Variants in ANKRD31 observed in about 807,000 individuals in gnomAD.
ANKRD31 encodes the protein ankyrin repeat domain 31, also known as ankyrin repeat domain-containing protein 31.
A neutral mutation model predicts 186.0 loss-of-function variants in ANKRD31; 147 were observed. That is an observed-to-expected ratio of 0.79 (90% CI 0.69 to 0.91). The LOEUF is 0.91. Among genes scored for constraint, ANKRD31 ranks in the 40% least tolerant of loss-of-function variants. ANKRD31 has a pLI of 0.00. For synonymous variants in ANKRD31, 673 were observed against 736.4 expected, an observed-to-expected ratio of 0.91 and a Z score of 1.39; for missense variants, 1,986 against 2,148.8, an observed-to-expected ratio of 0.92 and a Z score of 1.50.
At chr5:75,107,790 G>A (rs1747455093) in intron 20 of ANKRD31, among the ~76,000 whole-genome samples, 173 bp from the exon 21 acceptor site, 1 of 151,844 alleles carries the variant, frequency 6.6e-6, no homozygotes, top group African/African-American at 2.4e-5. Context: ...TCAATCTATG[G>A]AAATGCCCTG....
At chr5:75,148,990 T>C (rs1313620498) in intron 12 of ANKRD31, among the ~76,000 whole-genome samples, 7 of 151,894 alleles carry the variant, frequency 4.6e-5, no homozygotes, top group African/African-American at 1.4e-4. Flanking sequence ...TGAAAAATTA[T>C]TTTATAATTA....
At chr5:75,192,854 T>C (rs1755206742) in intron 8 of ANKRD31, 78 bp from the exon 9 acceptor site, 2 of 1,111,460 alleles carry the variant, frequency 1.8e-6, no homozygotes, top group African/African-American at 1.6e-5. Flanking sequence ...AATTTTTGAA[T>C]ACAATATTAA....
At chr5:75,101,740 C>A (rs963051464) in intron 22 of ANKRD31, among the ~76,000 whole-genome samples, 1 of 152,166 alleles carries the variant, frequency 6.6e-6, no homozygotes, top group African/African-American at 2.4e-5. Flanking sequence ...CTTGTGCATG[C>A]GTCACGTAGT....
rs1384668040 is a variant in ANKRD31 at position 75,147,016 on chromosome 5, T to G, written c.2395A>C (p.Thr799Pro). 6.5e-7 allele frequency: 1 copy of G among 1,536,440 alleles called. No individual in the cohort carries two copies. Among genetic ancestry groups the G allele is most frequent in the Admixed American group, 2.0e-5 (1 of 50,936 alleles). The change falls in exon 14 of 26, where the codon ACT becomes CCT. Residue 799 changes from threonine to proline, a missense_variant. Transcript: ENST00000506364. ...SSLRNGLDSS[T>P]EACSVSKEKH... Reference sequence around the variant, plus strand: ...TCTTTGGAAACTGAACAAGCCTCAGTACTGCTATCTAATCCATTTCTCAGG... The same window carrying G: ...TCTTTGGAAACTGAACAAGCCTCAGGACTGCTATCTAATCCATTTCTCAGG...
intron 10 of ANKRD31, among the ~76,000 whole-genome samples, chr5:75,177,008 C>T (rs1282002747): frequency 6.6e-6 from 1 of 152,052 alleles, no homozygotes; most frequent in Non-Finnish European, 1.5e-5. Flanking sequence ...GAATGGATAA[C>T]TAGAATAATC....
At chr5:75,139,980 T>G (rs981305798) in intron 15 of ANKRD31, among the ~76,000 whole-genome samples, 2 of 152,064 alleles carry the variant, frequency 1.3e-5, no homozygotes, top group African/African-American at 4.8e-5. Context: ...AGGTTTGTTT[T>G]CTATAGAAAC....
intron 11 of ANKRD31, among the ~76,000 whole-genome samples, chr5:75,163,721 A>C (rs1752728867): frequency 1.3e-5 from 2 of 152,194 alleles, no homozygotes; most frequent in South Asian, 4.1e-4. Context: ...AGCTGATTCT[A>C]GAGGGAGGAA....
chr5:75,185,929 G>A (rs1377338437), intron 10 of ANKRD31, among the ~76,000 whole-genome samples: 1 of 152,072 alleles, frequency 6.6e-6, no homozygotes, highest in Admixed American at 6.6e-5. Flanking sequence ...CCTGAAGTGA[G>A]ACTTAAAAAA....
chr5:75,164,123 G>C (rs1752761170), intron 11 of ANKRD31, among the ~76,000 whole-genome samples: 1 of 152,162 alleles, frequency 6.6e-6, no homozygotes, highest in Non-Finnish European at 1.5e-5. Context: ...CATACTGTGA[G>C]GACATTCAAG....
chr5:75,126,534 C>T (rs1749272734), intron 17 of ANKRD31, among the ~76,000 whole-genome samples: 1 of 152,146 alleles, frequency 6.6e-6, no homozygotes, highest in South Asian at 2.1e-4. Context: ...ATGAATAAAG[C>T]TGCTATCCAC....
chr5:75,179,919 A>G (rs1415241179), intron 10 of ANKRD31, among the ~76,000 whole-genome samples: 1 of 152,184 alleles, frequency 6.6e-6, no homozygotes, highest in Admixed American at 6.5e-5. Flanking sequence ...AGGGCATTCA[A>G]TTAGGAAAAG....
intron 18 of ANKRD31, 88 bp from the exon 19 acceptor site, chr5:75,116,769 A>G (rs1048611601): frequency 3.1e-6 from 2 of 637,068 alleles, no homozygotes; most frequent in Non-Finnish European, 2.3e-6. Context: ...GATGAGAAGG[A>G]TAAGTCAAGT....
At position 75,088,737 on chromosome 5, in the gene ANKRD31, G is replaced by A. The variant is rs73765679; in HGVS notation, c.5472+2524C>T. Reference sequence around the variant, plus strand: ...CTGGCTGGCCTTGAGGCTAAATCAGGTCACTTAACTTCCCAAACCTTTGTT... The same window carrying A: ...CTGGCTGGCCTTGAGGCTAAATCAGATCACTTAACTTCCCAAACCTTTGTT... On this transcript the variant is annotated intron_variant, in intron 23 of 25. Transcript: ENST00000506364. Among the ~76,000 whole-genome samples, 4 of 152,164 alleles carry A rather than the reference G, an allele frequency of 2.6e-5. No individual in the cohort carries two copies. The South Asian group carries it at 8.3e-4, about 32-fold the overall frequency.
chr5:75,162,563 G>A (rs1752641326), intron 11 of ANKRD31, among the ~76,000 whole-genome samples: 1 of 152,192 alleles, frequency 6.6e-6, no homozygotes, highest in African/African-American at 2.4e-5. Context: ...GGACTATTGG[G>A]AAGGCATCAT....
In ANKRD31 at chr5:75,204,524, T is replaced by C. The variant is rs147372975; in HGVS notation, c.403+1887A>G. Among the ~76,000 whole-genome samples, 11 of 152,362 alleles carry C rather than the reference T, an allele frequency of 7.2e-5. No individual in the cohort carries two copies. In the East Asian group the frequency reaches 1.7e-3, roughly 24 times the overall value. On this transcript the variant is annotated intron_variant, in intron 5 of 25. Coordinates refer to ENST00000506364, the MANE Select transcript of ANKRD31 (RefSeq NM_001372053.1). ...TCTTGTCATTTATTATGTGCTGATA[T>C]GTTATGTAGTGTTACTAGAAACTTA...
At chr5:75,172,238 G>A (rs981573471) in intron 10 of ANKRD31, among the ~76,000 whole-genome samples, 2 of 151,822 alleles carry the variant, frequency 1.3e-5, no homozygotes, top group African/African-American at 4.8e-5. Flanking sequence ...AAGAATGTAA[G>A]GTTGGTTTAA....
chr5:75,174,773 T>C (rs58958351), intron 10 of ANKRD31, among the ~76,000 whole-genome samples: 7,444 of 152,308 alleles, frequency 0.049, 398 homozygotes, highest in African/African-American at 0.13. Flanking sequence ...GCTTTTACAC[T>C]GTTGGTGGGA....
intron 15 of ANKRD31, among the ~76,000 whole-genome samples, chr5:75,142,097 A>T (rs1339533562): frequency 6.6e-6 from 1 of 152,168 alleles, no homozygotes; most frequent in Admixed American, 6.6e-5. Flanking sequence ...TAATGCTATT[A>T]AATACTTAGA....
At chr5:75,209,014 C>T (rs943415188) in intron 4 of ANKRD31, among the ~76,000 whole-genome samples, 2 of 152,144 alleles carry the variant, frequency 1.3e-5, no homozygotes, top group African/African-American at 4.8e-5. Context: ...GGGTAGAGGA[C>T]GCTTTCCCCC....
Sources: allele counts gnomAD v4.1 joint callset (sites outside exome capture counted in the v4.1 genomes callset), GRCh38; gene constraint gnomAD v4.1.1; transcripts MANE v1.5; gene names NCBI Gene and HGNC (gene_info 2026-07-23, HGNC 2026-07-21).